The following ADAM2 variants were observed in gnomAD, a reference collection of about 807,000 sequenced individuals.
ADAM2 encodes the protein ADAM metallopeptidase domain 2.
ADAM2 carries 101 observed loss-of-function variants against 99.3 expected under a neutral mutation model. The observed-to-expected ratio is 1.02, with a 90% CI of 0.87 to 1.20. The LOEUF (loss-of-function observed/expected upper bound fraction) is 1.20. Among genes scored for constraint, ADAM2 ranks in the 50% most tolerant of loss-of-function variants. The pLI is 0.00. For synonymous variants in ADAM2, 323 were observed against 287.6 expected (o/e 1.12, Z -1.25); for missense variants, 948 against 878.7 (o/e 1.08, Z -1.00).
chr8:39,809,302 G>T, intron 7 of ADAM2, 108 bp downstream of exon 7: 1 of 621,958 alleles, frequency 1.6e-6, no homozygotes, highest in Non-Finnish European at 2.8e-6. Context: ...TTAATGCAGA[G>T]CTAAGGCAAA....
At chr8:39,799,404 T>C (rs1468424146) in intron 7 of ADAM2, among the ~76,000 whole-genome samples, 1 of 151,352 alleles carries the variant, frequency 6.6e-6, no homozygotes, top group Non-Finnish European at 1.5e-5. Flanking sequence ...TCTGAGAAAC[T>C]GTTATGATTT....
rs187511009 is a variant in ADAM2 at position 39,784,401 on chromosome 8, G to A, written c.891+2573C>T. Among the ~76,000 whole-genome samples the A allele has an allele frequency of 2.2e-3, 331 of 152,234 alleles. 3 individuals are homozygous for A. The highest frequency in any genetic ancestry group is 7.6e-3 in the African/African-American group (317 of 41,562). On this transcript the variant is annotated intron_variant, in intron 10 of 20. Transcript: ENST00000265708. Reference sequence around the variant, plus strand: ...TTAAAAATTTTGTTGTGATTGTTGAGATGGAGTCTTGCTCTGTTGCCCAGG... The same window carrying A: ...TTAAAAATTTTGTTGTGATTGTTGAAATGGAGTCTTGCTCTGTTGCCCAGG...
chr8:39,832,502 T>G (rs1805657281), intron 3 of ADAM2, among the ~76,000 whole-genome samples: 1 of 152,218 alleles, frequency 6.6e-6, no homozygotes, highest in African/African-American at 2.4e-5. Context: ...GCAGGTAAAA[T>G]GTAAAAACAA....
intron 18 of ADAM2, among the ~76,000 whole-genome samples, chr8:39,748,044 A>G (rs1034662417): frequency 3.3e-5 from 5 of 152,156 alleles, no homozygotes; most frequent in Non-Finnish European, 4.4e-5. Context: ...TTAAAACACT[A>G]GATTTTGCTC....
intron 16 of ADAM2, among the ~76,000 whole-genome samples, chr8:39,754,271 G>A (rs1263849695): frequency 6.6e-6 from 1 of 152,152 alleles, no homozygotes; most frequent in Non-Finnish European, 1.5e-5. Flanking sequence ...GCCATGTAAA[G>A]GAGGATCACA....
At chr8:39,763,716 A>G (rs1033896734) in intron 14 of ADAM2, among the ~76,000 whole-genome samples, 3 of 152,248 alleles carry the variant, frequency 2.0e-5, no homozygotes, top group Non-Finnish European at 4.4e-5. Context: ...TTGCTTTGCA[A>G]TGAACTTCTT....
intron 12 of ADAM2, among the ~76,000 whole-genome samples, chr8:39,767,536 G>A (rs973231062): frequency 6.6e-6 from 1 of 152,176 alleles, no homozygotes; most frequent in Admixed American, 6.5e-5. Flanking sequence ...ACTGAGAAGA[G>A]CTCTGGCTCT....
intron 14 of ADAM2, among the ~76,000 whole-genome samples, chr8:39,764,666 T>C (rs947085473): frequency 1.3e-5 from 2 of 152,182 alleles, no homozygotes; most frequent in Admixed American, 6.5e-5. Context: ...TGTTGGCCTC[T>C]ATGCACATCC....
chr8:39,755,175 C>G (rs927533822), intron 16 of ADAM2, among the ~76,000 whole-genome samples: 3 of 151,936 alleles, frequency 2.0e-5, no homozygotes, highest in Non-Finnish European at 4.4e-5. Context: ...TAATAAAATA[C>G]AGTAAATGAA....
intron 5 of ADAM2, 45 bp from the exon 6 acceptor site, chr8:39,821,215 G>A: frequency 7.5e-7 from 1 of 1,325,212 alleles, no homozygotes; most frequent in Non-Finnish European, 1.0e-6. Flanking sequence ...AATGCCTTGT[G>A]GAAAAGCCAA....
At chr8:39,744,421 T>TGGAA (rs1275581903) in intron 20 of ADAM2, among the ~76,000 whole-genome samples, 2 of 152,026 alleles carry the variant, frequency 1.3e-5, no homozygotes, top group East Asian at 3.8e-4. Context: ...TTACGTTCTT[T>TGGAA]CTCTCTCCTC....
chr8:39,760,159 G>T (rs1428379890), intron 15 of ADAM2, among the ~76,000 whole-genome samples: 2 of 152,034 alleles, frequency 1.3e-5, no homozygotes, highest in African/African-American at 4.8e-5. Context: ...GAGCTACCCC[G>T]CCCGGTCTTC....
intron 2 of ADAM2, among the ~76,000 whole-genome samples, chr8:39,835,299 A>G (rs1016064293): frequency 6.6e-6 from 1 of 152,080 alleles, no homozygotes; most frequent in African/African-American, 2.4e-5. Flanking sequence ...TCATCTTTTC[A>G]GCTGTCTCTG....
At chr8:39,767,111 T>C (rs1802600030) in intron 13 of ADAM2, 42 bp downstream of exon 13, 1 of 1,598,908 alleles carries the variant, frequency 6.3e-7, no homozygotes, top group African/African-American at 1.3e-5. Flanking sequence ...TAATGATAAC[T>C]ACTTATGTAG....
At chr8:39,800,496 A>C (rs949277467) in intron 7 of ADAM2, among the ~76,000 whole-genome samples, 1 of 151,968 alleles carries the variant, frequency 6.6e-6, no homozygotes, top group Non-Finnish European at 1.5e-5. Flanking sequence ...TCTGATGACT[A>C]TGTGTCTTGG....
intron 3 of ADAM2, among the ~76,000 whole-genome samples, chr8:39,828,776 GATTAC>G (rs957620518): frequency 8.6e-5 from 13 of 151,784 alleles, no homozygotes; most frequent in African/African-American, 3.1e-4. Context: ...TATTAAAAAA[GATTAC>G]ATTACAGTGC....
chr8:39,791,101 T>G (rs1298195119), intron 7 of ADAM2, among the ~76,000 whole-genome samples: 6 of 151,314 alleles, frequency 4.0e-5, no homozygotes, highest in African/African-American at 1.5e-4. Context: ...GGGTGACTTA[T>G]GCTAAAGTTT....
At chr8:39,764,582 G>A (rs1388441482) in intron 14 of ADAM2, among the ~76,000 whole-genome samples, 2 of 152,198 alleles carry the variant, frequency 1.3e-5, no homozygotes, top group Non-Finnish European at 2.9e-5. Context: ...ACAGATTTGA[G>A]CATTGCCTTT....
In ADAM2 at chr8:39,821,067, C is replaced by T. The variant is rs1010406043; in HGVS notation, c.448G>A (p.Val150Ile). 2 of 1,607,176 alleles carry T rather than the reference C, an allele frequency of 1.2e-6. No individual in the cohort carries two copies. Among genetic ancestry groups the T allele is most frequent in the South Asian group, 1.1e-5 (1 of 90,760 alleles). The stretch of plus-strand genomic sequence containing the variant: ...ATATCCTTCTCATTATATAAGGAAA[C>T]ATCTGCTTTCTTATGTTTTACTTGG... Reference protein sequence around the residue: ...IYQVKHKKADVSLYNEKDIES... With the variant: ...IYQVKHKKADISLYNEKDIES... Residue 150 changes from valine to isoleucine, a missense_variant, in exon 6 of 21, where the codon GTT becomes ATT. Transcript: ENST00000265708.
Sources: gnomAD v4.1 joint callset for allele counts (sites outside exome capture counted in the v4.1 genomes callset) on GRCh38, gnomAD v4.1.1 for gene constraint, MANE v1.5 for transcripts, NCBI Gene and HGNC (gene_info 2026-07-23, HGNC 2026-07-21) for gene names.